TBC1D22A: variants seen among roughly 807,000 people sequenced by gnomAD.
The protein encoded by TBC1D22A is TBC1 domain family member 22A, also known as putative GTPase activator.
A neutral mutation model predicts 60.2 loss-of-function variants in TBC1D22A; 38 were observed. The ratio of observed to expected loss-of-function variants is 0.63; its 90% CI spans 0.49 to 0.83. The LOEUF is 0.83. TBC1D22A is among the 40% of genes least tolerant of loss of function. The pLI is 0.00. For synonymous variants in TBC1D22A, 302 were observed against 281.7 expected (o/e 1.07, Z -0.72); for missense variants, 628 against 701.0 (o/e 0.90, Z 1.18).
At chr22:47,029,470 A>G (rs553678350) in intron 10 of TBC1D22A, among the ~76,000 whole-genome samples, 6 of 152,174 alleles carry the variant, frequency 3.9e-5, no homozygotes, top group African/African-American at 1.4e-4. Flanking sequence ...GGGCCGCCTG[A>G]TGGAGCTCAG....
chr22:47,044,326 G>C (rs2062960322), intron 11 of TBC1D22A, among the ~76,000 whole-genome samples: 2 of 152,204 alleles, frequency 1.3e-5, no homozygotes, highest in Non-Finnish European at 2.9e-5. Flanking sequence ...CCTTTCCCCA[G>C]GAGTCCTTTG....
intron 12 of TBC1D22A, among the ~76,000 whole-genome samples, chr22:47,171,236 C>G (rs889074225): frequency 1.3e-5 from 2 of 152,224 alleles, no homozygotes; most frequent in East Asian, 1.9e-4. Flanking sequence ...CCATGCCAGT[C>G]TTGCTGGGCT....
intron 11 of TBC1D22A, among the ~76,000 whole-genome samples, chr22:47,038,184 A>G (rs2062717808): frequency 6.6e-6 from 1 of 152,220 alleles, no homozygotes; most frequent in South Asian, 2.1e-4. Flanking sequence ...TCAAATCTCT[A>G]CAGAGTGCTA....
chr22:47,037,411 C>T (rs1378135868), intron 11 of TBC1D22A, among the ~76,000 whole-genome samples: 5 of 152,108 alleles, frequency 3.3e-5, no homozygotes, highest in Non-Finnish European at 5.9e-5. Flanking sequence ...GGGTGGATTG[C>T]CTGAGCTCAG....
intron 10 of TBC1D22A, among the ~76,000 whole-genome samples, chr22:47,019,556 T>A (rs1055478122): frequency 6.6e-6 from 1 of 151,418 alleles, no homozygotes; most frequent in Non-Finnish European, 1.5e-5. Context: ...GGAAGCAGTG[T>A]GGGTGTGCAG....
chr22:46,981,932 A>T (rs1031886315), intron 9 of TBC1D22A, among the ~76,000 whole-genome samples: 3 of 152,186 alleles, frequency 2.0e-5, no homozygotes, highest in African/African-American at 7.2e-5. Context: ...GTGTGCACAG[A>T]AGATCTGTAA....
intron 11 of TBC1D22A, among the ~76,000 whole-genome samples, chr22:47,081,346 C>T (rs758950211): frequency 5.3e-5 from 8 of 152,154 alleles, no homozygotes; most frequent in East Asian, 1.9e-4. Flanking sequence ...AGGGCACTTC[C>T]GTGTTGAAAG....
intron 4 of TBC1D22A, among the ~76,000 whole-genome samples, chr22:46,818,610 A>G (rs567594067): frequency 2.6e-5 from 4 of 152,224 alleles, no homozygotes; most frequent in African/African-American, 7.2e-5. Context: ...CCATTGGTCT[A>G]TATGTCTGTT....
chr22:46,802,158 G>A (rs710122), intron 4 of TBC1D22A, among the ~76,000 whole-genome samples: 104,388 of 152,090 alleles, frequency 0.69, 35,988 homozygotes, highest in Middle Eastern at 0.83. Context: ...AATTTATGTA[G>A]AGTCACTCAT....
At chr22:46,942,425 GACATGGCT>G (rs2072228780) in intron 8 of TBC1D22A, among the ~76,000 whole-genome samples, 1 of 152,158 alleles carries the variant, frequency 6.6e-6, no homozygotes, top group African/African-American at 2.4e-5. Context: ...TGGGTAATTA[GACATGGCT>G]ACTCTGGTCA....
chr22:46,989,335 C>T (rs1206861062), intron 9 of TBC1D22A, among the ~76,000 whole-genome samples: 1 of 151,644 alleles, frequency 6.6e-6, no homozygotes, highest in African/African-American at 2.4e-5. Flanking sequence ...TTTGCATTCA[C>T]AACCTGGCTG....
chr22:47,103,157 G>A (rs1372506721), intron 11 of TBC1D22A, among the ~76,000 whole-genome samples: 3 of 152,182 alleles, frequency 2.0e-5, no homozygotes, highest in African/African-American at 7.2e-5. Context: ...AACCCAAGGT[G>A]GTGGATTTGG....
chr22:46,868,308 A>G (rs1266016587), intron 4 of TBC1D22A, among the ~76,000 whole-genome samples: 2 of 152,184 alleles, frequency 1.3e-5, no homozygotes, highest in African/African-American at 2.4e-5. Context: ...GTGGTTCAGT[A>G]TACACACATT....
intron 8 of TBC1D22A, among the ~76,000 whole-genome samples, chr22:46,968,688 G>C (rs2073928815): frequency 6.6e-6 from 1 of 152,184 alleles, no homozygotes; most frequent in Non-Finnish European, 1.5e-5. Context: ...TCATCACCAG[G>C]ACCATCTGGA....
At chr22:47,057,026 G>A (rs770292949) in intron 11 of TBC1D22A, among the ~76,000 whole-genome samples, 38 of 152,338 alleles carry the variant, frequency 2.5e-4, no homozygotes, top group Non-Finnish European at 4.6e-4. Context: ...GAGAGAACCC[G>A]TGAGGTCAGC....
intron 12 of TBC1D22A, among the ~76,000 whole-genome samples, chr22:47,144,263 G>A (rs1272129766): frequency 6.6e-6 from 1 of 152,234 alleles, no homozygotes. Flanking sequence ...AGGACCAGCG[G>A]GTTTCTAGTG....
intron 9 of TBC1D22A, among the ~76,000 whole-genome samples, chr22:46,995,994 G>A (rs1319164317): frequency 6.6e-6 from 1 of 152,210 alleles, no homozygotes; most frequent in Non-Finnish European, 1.5e-5. Flanking sequence ...CGGGTGCCAC[G>A]TGGACAGCTG....
intron 11 of TBC1D22A, among the ~76,000 whole-genome samples, chr22:47,076,462 A>G (rs930796428): frequency 5.3e-5 from 8 of 151,420 alleles, no homozygotes; most frequent in African/African-American, 1.7e-4. Context: ...AACCAGTAAT[A>G]CAAAGAGAAC....
At chr22:46,941,085 G>A (rs1311426785) in intron 8 of TBC1D22A, among the ~76,000 whole-genome samples, 1 of 128,280 alleles carries the variant, frequency 7.8e-6, no homozygotes, top group Non-Finnish European at 1.6e-5. Flanking sequence ...CCCTTGAACA[G>A]CATGGGGACT....
Sources: gnomAD v4.1 joint callset for allele counts (sites outside exome capture counted in the v4.1 genomes callset) on GRCh38, gnomAD v4.1.1 for gene constraint, MANE v1.5 for transcripts, NCBI Gene and HGNC (gene_info 2026-07-23, HGNC 2026-07-21) for gene names.